Variants in MYOM1 observed in about 807,000 individuals in gnomAD.
The protein encoded by MYOM1 is myomesin-1.
MYOM1 carries 164 observed loss-of-function variants against 205.3 expected under a neutral mutation model. The observed-to-expected ratio is 0.80, with a 90% CI of 0.70 to 0.91. The LOEUF is 0.91. Ranked by LOEUF, MYOM1 falls within the 40% of genes least tolerant of loss-of-function variation. The probability of loss-of-function intolerance (pLI) is 0.00; values close to 1 mark genes in which losing one functional copy is unlikely to be tolerated. For synonymous variants in MYOM1, 772 were observed against 789.4 expected (o/e 0.98, Z 0.37); for missense variants, 2,011 against 2,127.3 (o/e 0.95, Z 1.08).
At chr18:3,188,250 C>G (rs941114295) in intron 4 of MYOM1, among the ~76,000 whole-genome samples, 3 of 152,154 alleles carry the variant, frequency 2.0e-5, no homozygotes, top group African/African-American at 4.8e-5. Context: ...CTTTGACCTA[C>G]ATATTAATAT....
intron 29 of MYOM1, among the ~76,000 whole-genome samples, chr18:3,086,722 C>T (rs892459526): frequency 6.6e-6 from 1 of 152,136 alleles, no homozygotes; most frequent in Non-Finnish European, 1.5e-5. Flanking sequence ...ATGGACTAAA[C>T]AACTGCATAT....
Position 3,079,288 on chromosome 18 carries a change from C to G in MYOM1, c.4539G>C (p.Gln1513His). The G allele has an allele frequency of 6.2e-7, 1 of 1,613,966 alleles. No homozygotes were observed. The highest frequency in any genetic ancestry group is 2.2e-5 in the East Asian group (1 of 44,888). Residue 1513 changes from glutamine to histidine, a missense_variant, in exon 34 of 38, where the codon CAG (glutamine) becomes CAC (histidine). Coordinates refer to ENST00000356443, the MANE Select transcript of MYOM1 (RefSeq NM_003803.4). The stretch of plus-strand genomic sequence containing the variant: ...TGGGCTCGTTGATTTGTAGCCAGAT[C>G]TGCTCTCCAGTGACCCCGGTCTTAA... ...DRVKTGVTGE[Q>H]IWLQINEPTP...
At chr18:3,232,539 C>T in the MYOM1 span, among the ~76,000 whole-genome samples, 3 of 152,018 alleles carry the variant, frequency 2.0e-5, no homozygotes, top group South Asian at 2.1e-4. Flanking sequence ...ATCTTGATTG[C>T]GATGATGGTT....
intron 3 of MYOM1, among the ~76,000 whole-genome samples, chr18:3,191,205 T>A (rs1410679920): frequency 6.6e-6 from 1 of 152,186 alleles, no homozygotes; most frequent in Non-Finnish European, 1.5e-5. Flanking sequence ...TCTCTGACAG[T>A]CTCAATTCAA....
At chr18:3,204,995 C>T (rs1236312843) in intron 2 of MYOM1, among the ~76,000 whole-genome samples, 1 of 151,936 alleles carries the variant, frequency 6.6e-6, no homozygotes, top group Non-Finnish European at 1.5e-5. Flanking sequence ...GGTGCTGGGG[C>T]AATCAGTTGT....
chr18:3,127,618 C>T (rs1472021786), intron 18 of MYOM1, among the ~76,000 whole-genome samples: 9 of 151,922 alleles, frequency 5.9e-5, no homozygotes, highest in Non-Finnish European at 1.5e-5. Flanking sequence ...CCAGAATTTC[C>T]ATATATTTCT....
In MYOM1 at chr18:3,117,659, CT is replaced by C. The variant is rs913534834; in HGVS notation, c.3119-1145del. Among the ~76,000 whole-genome samples the C allele has an allele frequency of 4.6e-3, 683 of 149,842 alleles. 5 individuals are homozygous for C. The highest frequency in any genetic ancestry group is 0.015 in the African/African-American group (614 of 40,722). On this transcript the variant is annotated intron_variant, in intron 20 of 37. Coordinates refer to ENST00000356443, the MANE Select transcript of MYOM1 (RefSeq NM_003803.4). ...GTGAAAAAATTTATTTTTTCCTTTC[CT>C]TTTTTTTTTTTTAAATAACAACTGA...
Position 3,134,830 on chromosome 18 carries a change from A to G in MYOM1, c.2210-6T>C. 1 of 1,614,002 alleles carries G rather than the reference A, an allele frequency of 6.2e-7. No homozygotes were observed. The highest frequency in any genetic ancestry group is 1.1e-5 in the South Asian group (1 of 91,078). ...GCCAGGAGCCTTGGGGATATCTGAG[A>G]AAGAGGAAAATGGTGATCAAACTCA... On this transcript the variant is annotated splice_polypyrimidine_tract_variant and splice_region_variant and intron_variant, in intron 15 of 37. Coordinates refer to ENST00000356443, the MANE Select transcript of MYOM1 (RefSeq NM_003803.4).
chr18:3,098,136 T>A (rs1187158729), intron 25 of MYOM1, among the ~76,000 whole-genome samples: 1 of 152,222 alleles, frequency 6.6e-6, no homozygotes, highest in Non-Finnish European at 1.5e-5. Context: ...CCATCTTATG[T>A]AGCTTGGAGA....
At chr18:3,232,243 T>C in the MYOM1 span, among the ~76,000 whole-genome samples, 19 of 151,986 alleles carry the variant, frequency 1.3e-4, no homozygotes, top group African/African-American at 4.6e-4. Context: ...GGCACAAGAA[T>C]TGCTTGAATC....
chr18:3,141,838 C>T, intron 14 of MYOM1, 101 bp downstream of exon 14: 3 of 1,432,226 alleles, frequency 2.1e-6, no homozygotes, highest in East Asian at 2.3e-5. Context: ...GACATGCTCC[C>T]TCCTCCTCCC....
In MYOM1 at chr18:3,152,822, G is replaced by A. The variant is rs1280543246; in HGVS notation, c.1644-929C>T. On this transcript the variant is annotated intron_variant, in intron 11 of 37. Transcript: ENST00000356443. This position sits in a 1 kb window ranked among gnomAD's most constrained non-coding sequence, Gnocchi z 4.3. Reference sequence around the variant, plus strand: ...CAGTGGCAGGACAGAGGTGGCTGGTGTGGGGGGTGTATCTCCCCTCCTCAC... The same window carrying A: ...CAGTGGCAGGACAGAGGTGGCTGGTATGGGGGGTGTATCTCCCCTCCTCAC... 6.6e-6 allele frequency among the ~76,000 whole-genome samples: 1 copy of A among 152,170 alleles called. No individual in the cohort carries two copies. The highest frequency in any genetic ancestry group is 1.5e-5 in the Non-Finnish European group (1 of 68,038).
intron 22 of MYOM1, among the ~76,000 whole-genome samples, chr18:3,109,046 T>C (rs1314462156): frequency 1.3e-5 from 2 of 152,046 alleles, no homozygotes; most frequent in Non-Finnish European, 2.9e-5. Flanking sequence ...AGTGATGTGA[T>C]CTTGGCTCAC....
intron 21 of MYOM1, among the ~76,000 whole-genome samples, chr18:3,113,080 GAATC>G (rs2079550837): frequency 7.2e-6 from 1 of 138,654 alleles, no homozygotes. Context: ...TGTGTGCTGA[GAATC>G]CACTACATAT....
chr18:3,177,193 C>T (rs990337877), intron 5 of MYOM1, among the ~76,000 whole-genome samples: 18 of 145,216 alleles, frequency 1.2e-4, no homozygotes, highest in Admixed American at 6.9e-4. Context: ...GAGCTATGAT[C>T]GCACCACTGC....
chr18:3,097,520 C>T (rs1205114509), intron 25 of MYOM1, among the ~76,000 whole-genome samples: 3 of 152,068 alleles, frequency 2.0e-5, no homozygotes, highest in African/African-American at 7.2e-5. Flanking sequence ...AACTGCTGGG[C>T]TCAAGTGATC....
At chr18:3,148,465 T>C (rs917088313) in intron 13 of MYOM1, among the ~76,000 whole-genome samples, 1 of 152,010 alleles carries the variant, frequency 6.6e-6, no homozygotes, top group Admixed American at 6.6e-5. Context: ...AGCAGATCAG[T>C]GATGGCTGGA....
chr18:3,157,635 C>T (rs1410219529), intron 10 of MYOM1, among the ~76,000 whole-genome samples: 1 of 151,060 alleles, frequency 6.6e-6, no homozygotes, highest in African/African-American at 2.4e-5. Context: ...TATGATTGCA[C>T]CACTACACTC....
chr18:3,236,119 T>C, the MYOM1 span, among the ~76,000 whole-genome samples: 1 of 152,124 alleles, frequency 6.6e-6, no homozygotes, highest in Non-Finnish European at 1.5e-5. Context: ...CTGAGTGAAG[T>C]AGGACACTTC....
Sources: gnomAD v4.1 joint callset for allele counts (sites outside exome capture counted in the v4.1 genomes callset) on GRCh38, gnomAD v4.1.1 for gene constraint, Gnocchi (gnomAD v3.1) non-coding constraint, MANE v1.5 for transcripts, NCBI Gene and HGNC (gene_info 2026-07-23, HGNC 2026-07-21) for gene names.